Variants in CTCF observed in about 807,000 individuals in gnomAD.
CTCF encodes the protein CCCTC-binding factor, also known as transcriptional repressor CTCF.
In CTCF, 7 loss-of-function variants were observed where a neutral mutation model predicts 72.3. That is an observed-to-expected ratio of 0.10 (90% CI 0.06 to 0.18). The LOEUF is 0.18. Ranked by LOEUF, CTCF falls within the 10% of genes least tolerant of loss-of-function variation. The pLI is 1.00. For missense variants in CTCF, 516 were observed against 949.1 expected, an observed-to-expected ratio of 0.54 and a Z score of 6.00; for synonymous variants, 374 against 315.8, an observed-to-expected ratio of 1.18 and a Z score of -1.95.
chr16:67,605,066 G>A (rs1351727821), intron 2 of CTCF, among the ~76,000 whole-genome samples: 8 of 140,676 alleles, frequency 5.7e-5, no homozygotes, highest in South Asian at 2.2e-4. Context: ...TTCGCCTTCC[G>A]GGTTCACGCC....
chr16:67,573,095 AC>A (rs1472547309), intron 2 of CTCF, among the ~76,000 whole-genome samples: 3 of 151,936 alleles, frequency 2.0e-5, no homozygotes, highest in African/African-American at 7.3e-5. Flanking sequence ...TACTAAAAAT[AC>A]AAAAAATTAG....
intron 5 of CTCF, among the ~76,000 whole-genome samples, chr16:67,620,462 GT>G (rs372415832): frequency 6.6e-5 from 10 of 152,178 alleles, no homozygotes; most frequent in African/African-American, 2.2e-4. Context: ...AGCCTCCCAA[GT>G]AATGACCAAT....
intron 2 of CTCF, among the ~76,000 whole-genome samples, chr16:67,603,076 G>C (rs1466501547): frequency 2.0e-5 from 3 of 151,880 alleles, no homozygotes; most frequent in African/African-American, 7.3e-5. Flanking sequence ...AGTTTCACTG[G>C]TTCAAATTAA....
chr16:67,565,543 A>G (rs1404377101), intron 1 of CTCF, among the ~76,000 whole-genome samples: 19 of 151,762 alleles, frequency 1.3e-4, no homozygotes, highest in Non-Finnish European at 5.9e-5. Context: ...GCATGGTGGC[A>G]CACGCCGTAG....
At chr16:67,606,096 G>C (rs2051969514) in intron 2 of CTCF, among the ~76,000 whole-genome samples, 1 of 152,160 alleles carries the variant, frequency 6.6e-6, no homozygotes, top group Non-Finnish European at 1.5e-5. Context: ...CCAGTCATCT[G>C]AGGTATTTTG....
intron 2 of CTCF, among the ~76,000 whole-genome samples, chr16:67,575,686 G>A (rs947117820): frequency 6.0e-4 from 91 of 151,858 alleles, no homozygotes; most frequent in African/African-American, 2.1e-3. Flanking sequence ...CAGGTGATCC[G>A]CCCACCTTGG....
At chr16:67,593,189 A>G (rs1477496027) in intron 2 of CTCF, among the ~76,000 whole-genome samples, 1 of 151,742 alleles carries the variant, frequency 6.6e-6, no homozygotes, top group Non-Finnish European at 1.5e-5. Context: ...ATTTTTTACA[A>G]TTTCAACTTT....
Position 67,595,582 on chromosome 16 carries a change from A to G in CTCF, c.-9-15242A>G, listed in dbSNP as rs569373553. Among the ~76,000 whole-genome samples the G allele has an allele frequency of 4.6e-5, 7 of 152,258 alleles. 1 individual carries two copies. In the South Asian group the frequency reaches 1.5e-3, roughly 32 times the overall value. On this transcript the variant is annotated intron_variant, in intron 2 of 11. Transcript: ENST00000264010. ...GGCTGGCGGTATAAGGATACAGAGGATGGCAGTTGGCACCATGCATGTATT... is the reference window on the plus strand; with the variant it reads ...GGCTGGCGGTATAAGGATACAGAGGGTGGCAGTTGGCACCATGCATGTATT...
At chr16:67,578,634 A>G (rs1036447187) in intron 2 of CTCF, among the ~76,000 whole-genome samples, 1 of 151,426 alleles carries the variant, frequency 6.6e-6, no homozygotes, top group African/African-American at 2.4e-5. Context: ...TGCCTGGCCA[A>G]GTTTATGTAT....
chr16:67,611,906 C>G (rs1597714345), intron 3 of CTCF, 45 bp from the exon 4 acceptor site: 1 of 1,538,298 alleles, frequency 6.5e-7, no homozygotes, highest in Non-Finnish European at 9.0e-7. Context: ...TTAATCTTAA[C>G]ACTTTGAAAC....
At chr16:67,621,837 A>T (rs1425870114) in intron 7 of CTCF, among the ~76,000 whole-genome samples, 1 of 147,994 alleles carries the variant, frequency 6.8e-6, no homozygotes, top group Non-Finnish European at 1.5e-5. Context: ...TCTATAAATT[A>T]ATGGGAGCTG....
Position 67,572,947 on chromosome 16 carries a change from G to GCCC in CTCF, c.-10+1692_-10+1694dup, listed in dbSNP as rs1359051975. On this transcript the variant is annotated intron_variant, in intron 2 of 11. Transcript: ENST00000264010. ...AGAGTGACTCTGTCTGCCCCCCCCC[G>GCCC]CCCCCCCCCCCAAAACAACAAAAGA... Among the ~76,000 whole-genome samples the GCCC allele has an allele frequency of 1.4e-3, 59 of 41,498 alleles. 1 individual carries two copies. Among genetic ancestry groups the GCCC allele is most frequent in the African/African-American group, 5.2e-3 (59 of 11,350 alleles). The allele number at this position is 41,498 out of a possible 152,430, so 27.2% of individuals were successfully genotyped here. A position where few individuals can be genotyped will look rare whatever the true frequency, so the allele number is the denominator to read the frequency against.
chr16:67,632,770 A>G (rs1201794504), intron 10 of CTCF, among the ~76,000 whole-genome samples: 1 of 152,186 alleles, frequency 6.6e-6, no homozygotes, highest in African/African-American at 2.4e-5. Flanking sequence ...ACTGCCACCT[A>G]TCTATATATT....
rs766362012 is a variant in CTCF at position 67,631,154 on chromosome 16, G to GTTTTTTTTTTTTTTTTTTTTTTTTTTT, written c.1837+1631_1837+1632insTTTTTTTTTTTTTTTTTTTTTTTTTTT. ...ATTGGGCTTTTTTTGTTCTTTGTTT[G>GTTTTTTTTTTTTTTTTTTTTTTTTTTT]TTTTTTTTTTGTTTTTTGTTTTTTT... On this transcript the variant is annotated intron_variant, in intron 10 of 11. Coordinates refer to ENST00000264010, the MANE Select transcript of CTCF (RefSeq NM_006565.4). Among the ~76,000 whole-genome samples the GTTTTTTTTTTTTTTTTTTTTTTTTTTT allele has an allele frequency of 4.8e-5, 6 of 125,020 alleles. 1 individual carries two copies. Among genetic ancestry groups the GTTTTTTTTTTTTTTTTTTTTTTTTTTT allele is most frequent in the African/African-American group, 1.0e-4 (3 of 29,760 alleles). The allele number at this position is 125,020 out of a possible 152,430, so 82.0% of individuals were successfully genotyped here. A position where few individuals can be genotyped will look rare whatever the true frequency, so the allele number is the denominator to read the frequency against.
Position 67,611,533 on chromosome 16 carries a change from A to G in CTCF, c.701A>G (p.Glu234Gly). The G allele has an allele frequency of 1.2e-6, 2 of 1,613,972 alleles. No individual in the cohort carries two copies. Among genetic ancestry groups the G allele is most frequent in the Non-Finnish European group, 1.7e-6 (2 of 1,179,780 alleles). The change falls in exon 3 of 12, where the codon GAG becomes GGG. Residue 234 changes from glutamate (E) to glycine (G), a missense_variant. Glu to Gly is a moderately conservative substitution (Grantham distance 98). Around this residue, in one of 7 missense-constraint regions of CTCF, gnomAD observed 70 missense variants for 290.1 expected, o/e 0.24. Coordinates refer to ENST00000264010, the MANE Select transcript of CTCF (RefSeq NM_006565.4). ...TACGATTTTGAGGAAGAACAGCAGG[A>G]GGGTCTGCTATCAGAGGTTAATGCA... The part of the protein sequence containing the change: ...SVYDFEEEQQ[E>G]GLLSEVNAEK...
intron 10 of CTCF, among the ~76,000 whole-genome samples, chr16:67,630,012 A>G (rs2052343608): frequency 6.6e-6 from 1 of 151,090 alleles, no homozygotes; most frequent in African/African-American, 2.4e-5. Flanking sequence ...TCCTCACCTC[A>G]TGATCCGCCC....
rs1213180484 is a variant in CTCF at position 67,632,089 on chromosome 16, A to AT, written c.1837+2556_1837+2557insT. Among the ~76,000 whole-genome samples the AT allele has an allele frequency of 1.2e-3, 181 of 150,270 alleles. 1 individual carries two copies. The highest frequency in any genetic ancestry group is 4.3e-3 in the African/African-American group (177 of 41,000). ...ACCCTGTCTCCAAAAAAAAAAAAAAAGGGAAAAAAATTATTGCACTGAACT... is the reference window on the plus strand; with the variant it reads ...ACCCTGTCTCCAAAAAAAAAAAAAAATGGGAAAAAAATTATTGCACTGAACT... On this transcript the variant is annotated intron_variant, in intron 10 of 11. Transcript: ENST00000264010.
intron 1 of CTCF, among the ~76,000 whole-genome samples, chr16:67,570,320 T>C (rs2051399279): frequency 6.6e-6 from 1 of 151,892 alleles, no homozygotes. Flanking sequence ...GACCTCGTGA[T>C]CTGTCTGCCT....
At chr16:67,593,751 C>G (rs927165474) in intron 2 of CTCF, among the ~76,000 whole-genome samples, 11 of 152,026 alleles carry the variant, frequency 7.2e-5, no homozygotes, top group Non-Finnish European at 1.6e-4. Context: ...AATCAGTTGC[C>G]CCTTATAATG....
Sources: gnomAD v4.1 joint callset for allele counts (sites outside exome capture counted in the v4.1 genomes callset) on GRCh38, gnomAD v4.1.1 for gene constraint, gnomAD v4.1.1 regional missense constraint, MANE v1.5 for transcripts, NCBI Gene and HGNC (gene_info 2026-07-23, HGNC 2026-07-21) for gene names.